Variants in SHC3 observed in about 807,000 individuals in gnomAD.
SHC3 encodes SHC adaptor protein 3.
SHC3 carries 15 observed loss-of-function variants against 60.4 expected under a neutral mutation model. That is an observed-to-expected ratio of 0.25 (90% confidence interval 0.17 to 0.38). The LOEUF (loss-of-function observed/expected upper bound fraction) is 0.38. Among genes scored for constraint, SHC3 ranks in the 10% least tolerant of loss-of-function variants. SHC3 has a pLI of 1.00. For missense variants in SHC3, 677 were observed against 786.1 expected (o/e 0.86, Z 1.66); for synonymous variants, 294 against 325.9 (o/e 0.90, Z 1.05).
chr9:89,046,498 T>C (rs947651101), intron 8 of SHC3, among the ~76,000 whole-genome samples: 2 of 152,238 alleles, frequency 1.3e-5, no homozygotes, highest in African/African-American at 4.8e-5. Flanking sequence ...TCACTCCTTT[T>C]CAGAGAACCC....
At chr9:89,074,691 C>CAAAAAAAAAAAAAAAAAAAA (rs68051828) in intron 4 of SHC3, among the ~76,000 whole-genome samples, 4 of 59,926 alleles carry the variant, frequency 6.7e-5, no homozygotes, top group Admixed American at 2.5e-4. Flanking sequence ...GCCACTAAAG[C>CAAAAAAAAAAAAAAAAAAAA]AAAAAAAAAA....
intron 1 of SHC3, among the ~76,000 whole-genome samples, chr9:89,122,300 T>C (rs1826103079): frequency 6.6e-6 from 1 of 152,230 alleles, no homozygotes; most frequent in African/African-American, 2.4e-5. Context: ...TTCAGGCAAA[T>C]GAAGCTTTAA....
chr9:89,175,105 C>T (rs985116290), intron 1 of SHC3, among the ~76,000 whole-genome samples: 2 of 152,196 alleles, frequency 1.3e-5, no homozygotes, highest in African/African-American at 4.8e-5. Flanking sequence ...TGAAAATAGT[C>T]ATTGTTCTTT....
chr9:89,114,893 G>A (rs960616471), intron 1 of SHC3, among the ~76,000 whole-genome samples: 1 of 152,098 alleles, frequency 6.6e-6, no homozygotes, highest in African/African-American at 2.4e-5. Context: ...GTATCATAAA[G>A]TTAGGTGAAT....
chr9:89,136,922 C>T (rs558529337), intron 1 of SHC3, among the ~76,000 whole-genome samples: 3 of 152,154 alleles, frequency 2.0e-5, no homozygotes, highest in South Asian at 2.1e-4. Context: ...CACAGTTTCA[C>T]GGGTTGTACA....
At chr9:89,148,505 G>T (rs1028585752) in intron 1 of SHC3, among the ~76,000 whole-genome samples, 1 of 152,146 alleles carries the variant, frequency 6.6e-6, no homozygotes, top group African/African-American at 2.4e-5. Context: ...AGTTTACCTG[G>T]GTACCCATTG....
At chr9:89,127,313 A>G (rs1826178635) in intron 1 of SHC3, among the ~76,000 whole-genome samples, 1 of 152,180 alleles carries the variant, frequency 6.6e-6, no homozygotes, top group South Asian at 2.1e-4. Context: ...TACAGTTCAA[A>G]AGCCAGAAAT....
At chr9:89,121,779 TA>T (rs1187250090) in intron 1 of SHC3, among the ~76,000 whole-genome samples, 1 of 152,226 alleles carries the variant, frequency 6.6e-6, no homozygotes, top group Admixed American at 6.5e-5. Flanking sequence ...TGGTGAATTA[TA>T]AACAAATAAT....
chr9:89,064,057 G>A (rs1825135275), intron 6 of SHC3, among the ~76,000 whole-genome samples: 1 of 152,228 alleles, frequency 6.6e-6, no homozygotes, highest in African/African-American at 2.4e-5. Flanking sequence ...CCTCACATGG[G>A]TGGAAGAGGG....
Position 89,160,385 on chromosome 9 carries a change from C to T in SHC3, c.474+17602G>A, listed in dbSNP as rs142292155. 3.7e-3 allele frequency among the ~76,000 whole-genome samples: 567 copies of T among 152,304 alleles called. 2 individuals carry two copies. Among genetic ancestry groups the T allele is most frequent in the African/African-American group, 0.012 (516 of 41,578 alleles). ...CTGATAACCCCAGCCCACCACTGAT[C>T]TCTTACCACATAATTAACACCTTTT... On this transcript the variant is annotated intron_variant, in intron 1 of 11. Transcript: ENST00000375835.
chr9:89,014,827 C>T (rs1826068216), intron 11 of SHC3, among the ~76,000 whole-genome samples: 1 of 152,192 alleles, frequency 6.6e-6, no homozygotes, highest in African/African-American at 2.4e-5. Context: ...ATCTATACTT[C>T]AGGTGTGCAT....
At chr9:89,149,617 G>T (rs913509433) in intron 1 of SHC3, among the ~76,000 whole-genome samples, 2 of 151,834 alleles carry the variant, frequency 1.3e-5, no homozygotes, top group African/African-American at 4.8e-5. Flanking sequence ...ACATACCTCT[G>T]GTTCATTTTA....
At chr9:89,144,266 T>C (rs1826436765) in intron 1 of SHC3, among the ~76,000 whole-genome samples, 1 of 152,238 alleles carries the variant, frequency 6.6e-6, no homozygotes, top group African/African-American at 2.4e-5. Context: ...TCTTACAGTG[T>C]TAAATTTTTC....
chr9:89,166,102 G>A (rs2118255392), intron 1 of SHC3, among the ~76,000 whole-genome samples: 1 of 152,178 alleles, frequency 6.6e-6, no homozygotes, highest in South Asian at 2.1e-4. Flanking sequence ...TCGCCTCCTG[G>A]AGATGGGCCC....
intron 10 of SHC3, among the ~76,000 whole-genome samples, chr9:89,041,757 T>C (rs1564094118): frequency 6.6e-6 from 1 of 152,252 alleles, no homozygotes; most frequent in East Asian, 1.9e-4. Context: ...CATTTGTGTA[T>C]GTATATTGTC....
chr9:89,116,900 C>T lies in SHC3; in HGVS notation c.475-4274G>A, dbSNP rs538369901. Among the ~76,000 whole-genome samples, 3 of 152,178 alleles carry T rather than the reference C, an allele frequency of 2.0e-5. No individual in the cohort carries two copies. The South Asian group carries it at 6.2e-4, about 32-fold the overall frequency. Reference sequence around the variant, plus strand: ...AGAATCAAGGAAATGCCACCATCACCACTATCACATGAATAACAATTAACA... The same window carrying T: ...AGAATCAAGGAAATGCCACCATCACTACTATCACATGAATAACAATTAACA... On this transcript the variant is annotated intron_variant, in intron 1 of 11. Coordinates refer to ENST00000375835, the MANE Select transcript of SHC3 (RefSeq NM_016848.6).
In SHC3 at chr9:89,178,045, CGAGGGGGCCTGGGCAGCGG is replaced by C. The variant is rs1826968914; in HGVS notation, c.397_415del (p.Pro133GlyfsTer31). The C allele has an allele frequency of 8.1e-7, 1 of 1,228,502 alleles. No homozygotes were observed. Among genetic ancestry groups the C allele is most frequent in the Admixed American group, 4.2e-5 (1 of 24,052 alleles). The allele number at this position is 1,228,502 out of a possible 1,614,324, so 76.1% of individuals were successfully genotyped here. A position where few individuals can be genotyped will look rare whatever the true frequency, so the allele number is the denominator to read the frequency against. On this transcript the variant is annotated frameshift_variant, in exon 1 of 12. Transcript: ENST00000375835. LOFTEE classifies it high-confidence loss of function. This position sits in a 1 kb window ranked among gnomAD's most constrained non-coding sequence, Gnocchi z 6.9. ...CTGGTCGCTGGCGTGCGGCGCCCCC[CGAGGGGGCCTGGGCAGCGG>C]CTCGTCGCCGGGCCGGCCCTTCCTG...
At chr9:89,110,521 C>A (rs1564151561) in intron 2 of SHC3, 2 of 919,216 alleles carry the variant, frequency 2.2e-6, no homozygotes, top group Non-Finnish European at 1.3e-6. Context: ...TGTGCTACAT[C>A]TGCAAGACAT....
At chr9:89,028,763 A>C (rs1050370177) in intron 11 of SHC3, among the ~76,000 whole-genome samples, 6 of 145,910 alleles carry the variant, frequency 4.1e-5, no homozygotes, top group Non-Finnish European at 7.5e-5. Context: ...CTCTCTATAT[A>C]TATATTCTCT....
Sources: allele counts gnomAD v4.1 joint callset (sites outside exome capture counted in the v4.1 genomes callset), GRCh38; gene constraint gnomAD v4.1.1; non-coding constraint Gnocchi (gnomAD v3.1); transcripts MANE v1.5; gene names NCBI Gene and HGNC (gene_info 2026-07-23, HGNC 2026-07-21).